APBB2: variants seen among roughly 807,000 people sequenced by gnomAD.
APBB2 encodes Fe65-like 1.
In APBB2, 38 loss-of-function variants were observed where a neutral mutation model predicts 82.5. The observed-to-expected ratio is 0.46, with a 90% CI of 0.36 to 0.60. APBB2 has a LOEUF of 0.60. Ranked by LOEUF, APBB2 falls within the 20% of genes least tolerant of loss-of-function variation. The probability of loss-of-function intolerance (pLI) is 0.00; values close to 1 mark genes in which losing one functional copy is unlikely to be tolerated. For synonymous variants in APBB2, 341 were observed against 368.2 expected, an observed-to-expected ratio of 0.93 and a Z score of 0.85; for missense variants, 772 against 972.3, an observed-to-expected ratio of 0.79 and a Z score of 2.74.
intron 1 of APBB2, among the ~76,000 whole-genome samples, chr4:41,175,863 C>A (rs965568081): frequency 6.6e-6 from 1 of 152,102 alleles, no homozygotes; most frequent in African/African-American, 2.4e-5. Context: ...TCAAGATATT[C>A]ACAAGTATTT....
At chr4:41,011,568 C>T (rs1808386352) in intron 6 of APBB2, among the ~76,000 whole-genome samples, 4 of 152,038 alleles carry the variant, frequency 2.6e-5, no homozygotes, top group Admixed American at 1.3e-4. Context: ...GTAGCTGGGA[C>T]TACAGCCACC....
intron 5 of APBB2, among the ~76,000 whole-genome samples, chr4:41,031,846 GTATT>G (rs1445003107): frequency 1.3e-5 from 2 of 152,002 alleles, no homozygotes; most frequent in African/African-American, 4.8e-5. Context: ...AAGAACATAC[GTATT>G]TATTTTGATT....
chr4:40,852,121 C>T (rs556535676), intron 12 of APBB2, among the ~76,000 whole-genome samples: 3 of 151,758 alleles, frequency 2.0e-5, no homozygotes, highest in African/African-American at 7.3e-5. Context: ...GCACTAAGGC[C>T]GGTGGATCAC....
At chr4:40,869,697 C>A (rs551032834) in intron 12 of APBB2, among the ~76,000 whole-genome samples, 1 of 141,808 alleles carries the variant, frequency 7.1e-6, no homozygotes, top group Middle Eastern at 3.6e-3. Flanking sequence ...AAGGAATATA[C>A]GTGAAATGAA....
intron 1 of APBB2, among the ~76,000 whole-genome samples, chr4:41,204,998 T>C (rs549735590): frequency 1.3e-5 from 2 of 152,164 alleles, no homozygotes; most frequent in Non-Finnish European, 2.9e-5. Context: ...GGATCATGGT[T>C]TGAGCCCTTT....
At chr4:40,824,234 C>A (rs1004451422) in intron 15 of APBB2, among the ~76,000 whole-genome samples, 3 of 152,066 alleles carry the variant, frequency 2.0e-5, no homozygotes, top group African/African-American at 7.2e-5. Flanking sequence ...GCTCCGGGGA[C>A]CTGGTGCCTT....
intron 6 of APBB2, among the ~76,000 whole-genome samples, chr4:40,974,861 G>C (rs181332828): frequency 6.6e-6 from 1 of 152,316 alleles, no homozygotes; most frequent in East Asian, 1.9e-4. Context: ...AGGGGCATGT[G>C]CATTGATGCT....
intron 1 of APBB2, among the ~76,000 whole-genome samples, chr4:41,159,851 T>C (rs1764377658): frequency 8.0e-6 from 1 of 125,654 alleles, no homozygotes; most frequent in Non-Finnish European, 1.7e-5. Flanking sequence ...AGAAATAACA[T>C]TAAGGAAGGA....
At chr4:40,858,454 C>CAAAAAAAAAAAAAAAAAAAA (rs34433911) in intron 12 of APBB2, among the ~76,000 whole-genome samples, 95 of 57,716 alleles carry the variant, frequency 1.6e-3, no homozygotes, top group Non-Finnish European at 2.0e-3. Context: ...GAGTCCGTCT[C>CAAAAAAAAAAAAAAAAAAAA]AAAAAAAAAA....
chr4:40,884,512 C>A (rs566359469), intron 12 of APBB2, among the ~76,000 whole-genome samples: 1 of 152,118 alleles, frequency 6.6e-6, no homozygotes, highest in African/African-American at 2.4e-5. Flanking sequence ...CACAGGGGCT[C>A]GCACCTGCTA....
At position 40,890,356 on chromosome 4, in the gene APBB2, G is replaced by A; in HGVS notation, c.1529+8C>T. The A allele has an allele frequency of 6.2e-7, 1 of 1,611,250 alleles. No homozygotes were observed. Among genetic ancestry groups the A allele is most frequent in the Non-Finnish European group, 8.5e-7 (1 of 1,179,250 alleles). The stretch of plus-strand genomic sequence containing the variant: ...AGGTGACCCAGACTGCCCCACCCAG[G>A]GACTCACCGGCCATTGTCGCGGCCC... On this transcript the variant is annotated splice_region_variant and intron_variant, in intron 12 of 17. Coordinates refer to ENST00000508593, the MANE Select transcript of APBB2 (RefSeq NM_004307.2).
At chr4:41,074,857 A>C (rs1735117419) in intron 3 of APBB2, among the ~76,000 whole-genome samples, 1 of 152,092 alleles carries the variant, frequency 6.6e-6, no homozygotes, top group Non-Finnish European at 1.5e-5. Flanking sequence ...CTAGATTAGA[A>C]ATTAGATCAG....
At chr4:40,845,921 T>C (rs1000224804) in intron 12 of APBB2, among the ~76,000 whole-genome samples, 1 of 148,368 alleles carries the variant, frequency 6.7e-6, no homozygotes, top group Admixed American at 6.9e-5. Context: ...TGAAAATTCT[T>C]GCACCAGCTC....
intron 12 of APBB2, among the ~76,000 whole-genome samples, chr4:40,854,037 A>C (rs1411199908): frequency 6.6e-6 from 1 of 152,166 alleles, no homozygotes; most frequent in African/African-American, 2.4e-5. Context: ...TGACACATGG[A>C]TGCTCCTTAT....
At position 41,159,901 on chromosome 4, in the gene APBB2, A is replaced by G. The variant is rs1297647918; in HGVS notation, c.-416-16759T>C. Among the ~76,000 whole-genome samples, 126 of 65,518 alleles carry G rather than the reference A, an allele frequency of 1.9e-3. 1 individual carries two copies. The highest frequency in any genetic ancestry group is 9.3e-3 in the African/African-American group (119 of 12,730). 43.0% of individuals were successfully genotyped at this position (65,518 alleles called of 152,430 possible). ...GGGCAAAAAAAAAAAAAGGAAGAAG[A>G]AGGAGAAGGAGGAGGAGGAGGAGGA... On this transcript the variant is annotated intron_variant, in intron 1 of 17. Coordinates refer to ENST00000508593, the MANE Select transcript of APBB2 (RefSeq NM_004307.2).
In APBB2 at chr4:41,159,937, GAGGAGGAGA is replaced by G. The variant is rs1252356206; in HGVS notation, c.-416-16804_-416-16796del. On this transcript the variant is annotated intron_variant, in intron 1 of 17. Transcript: ENST00000508593. ...GGAGGAGGAGGAGGAGGAGGAGGAG[GAGGAGGAGA>G]AGGAGAAGGAGAAGGAGAAGAAGAA... Among the ~76,000 whole-genome samples the G allele has an allele frequency of 6.1e-3, 187 of 30,606 alleles. 22 individuals carry two copies. The highest frequency in any genetic ancestry group is 0.017 in the East Asian group (23 of 1,378). 20.1% of individuals were successfully genotyped at this position (30,606 alleles called of 152,430 possible). A position where few individuals can be genotyped will look rare whatever the true frequency, so the allele number is the denominator to read the frequency against.
Position 40,821,982 on chromosome 4 carries a change from G to A in APBB2, c.2001C>T (p.Val667=). Residue 667 remains valine, a synonymous_variant, in exon 17 of 18, where the codon GTC becomes GTT. Transcript: ENST00000508593. ...FLSFMGVGKD[V]HTFAFIMDTG... ...TGTCCATGATGAAGGCAAATGTGTGGACGTCCTTCCCAACACCCATGAAGG... is the reference window on the plus strand; with the variant it reads ...TGTCCATGATGAAGGCAAATGTGTGAACGTCCTTCCCAACACCCATGAAGG... 6.2e-7 allele frequency: 1 copy of A among 1,614,128 alleles called. No individual in the cohort carries two copies. The highest frequency in any genetic ancestry group is 1.1e-5 in the South Asian group (1 of 91,080).
intron 12 of APBB2, among the ~76,000 whole-genome samples, chr4:40,871,962 TAC>T (rs1167703487): frequency 2.6e-5 from 4 of 152,206 alleles, no homozygotes; most frequent in Admixed American, 2.6e-4. Flanking sequence ...TATGCATGAC[TAC>T]AGAGCTGAAA....
chr4:41,085,176 G>A (rs557496610), intron 3 of APBB2, among the ~76,000 whole-genome samples: 10 of 151,640 alleles, frequency 6.6e-5, no homozygotes, highest in African/African-American at 1.9e-4. Flanking sequence ...GTGTGAACCC[G>A]GGAGGTGGAG....
Sources: allele counts gnomAD v4.1 joint callset (sites outside exome capture counted in the v4.1 genomes callset), GRCh38; gene constraint gnomAD v4.1.1; transcripts MANE v1.5; gene names NCBI Gene and HGNC (gene_info 2026-07-23, HGNC 2026-07-21).